SEC22C: variants seen among roughly 807,000 people sequenced by gnomAD.
The protein encoded by SEC22C is SEC22 homolog C, vesicle trafficking protein, also known as vesicle-trafficking protein SEC22c.
Under a neutral mutation model 34.7 loss-of-function variants are expected in SEC22C, and 29 were observed. The ratio of observed to expected loss-of-function variants is 0.84; its 90% confidence interval spans 0.62 to 1.14. The LOEUF is 1.14. SEC22C is among the 50% of genes most tolerant of loss of function. The pLI, the probability that SEC22C is intolerant of heterozygous loss-of-function variation, is 0.00. For missense variants in SEC22C, 337 were observed against 369.0 expected, an observed-to-expected ratio of 0.91 and a Z score of 0.71; for synonymous variants, 117 against 132.8, an observed-to-expected ratio of 0.88 and a Z score of 0.82.
upstream of SEC22C, among the ~76,000 whole-genome samples, chr3:42,584,776 A>T (rs928136320): frequency 1.3e-5 from 2 of 152,202 alleles, no homozygotes; most frequent in Non-Finnish European, 1.5e-5. Context: ...AAAGAAGGAG[A>T]AAAACCAGGA....
chr3:42,551,253 C>G lies in SEC22C; in HGVS notation c.*1995G>C. On this transcript the variant is annotated 3_prime_UTR_variant, in exon 7 of 7. Coordinates refer to ENST00000264454, the MANE Select transcript of SEC22C (RefSeq NM_032970.4). ...TCTCCCAGAAAAACTGAAAATTCACCTGCTGGGTATGCAGAAAATTATGCA... is the reference window on the plus strand; with the variant it reads ...TCTCCCAGAAAAACTGAAAATTCACGTGCTGGGTATGCAGAAAATTATGCA... The G allele has an allele frequency of 1.0e-6, 1 of 985,376 alleles. No individual in the cohort carries two copies. 61.0% of individuals were successfully genotyped at this position (985,376 alleles called of 1,614,324 possible).
At position 42,550,857 on chromosome 3, in the gene SEC22C, G is replaced by A. The variant is rs1702218360; in HGVS notation, c.*2391C>T. On this transcript the variant is annotated 3_prime_UTR_variant, in exon 7 of 7. Coordinates refer to ENST00000264454, the MANE Select transcript of SEC22C (RefSeq NM_032970.4). ...AAAGAAAACAGTCCATTTTTAAGCC[G>A]TTCTTACCGACTTTTTTTTTTTTTT... is the stretch of plus-strand genomic sequence containing the variant. 15 of 975,234 alleles carry A rather than the reference G, an allele frequency of 1.5e-5. No homozygotes were observed. The highest frequency in any genetic ancestry group is 5.3e-4 in the Middle Eastern group (1 of 1,886). The allele number at this position is 975,234 out of a possible 1,614,324, so 60.4% of individuals were successfully genotyped here. A position where few individuals can be genotyped will look rare whatever the true frequency, so the allele number is the denominator to read the frequency against.
chr3:42,563,426 G>C, intron 3 of SEC22C, 97 bp downstream of exon 3: 1 of 977,074 alleles, frequency 1.0e-6, no homozygotes, highest in Non-Finnish European at 1.5e-6. Context: ...TGCATCTCCA[G>C]TGGTTTTCCT....
intron 1 of SEC22C, among the ~76,000 whole-genome samples, chr3:42,596,128 T>G (rs1643193079): frequency 6.6e-6 from 1 of 152,118 alleles, no homozygotes; most frequent in Non-Finnish European, 1.5e-5. Context: ...TTCAAGTGAT[T>G]CTCCTGCCTC....
At chr3:42,561,361 A>G (rs938595203) in intron 3 of SEC22C, 65 bp from the exon 4 acceptor site, 1 of 1,515,340 alleles carries the variant, frequency 6.6e-7, no homozygotes, top group Non-Finnish European at 9.1e-7. Context: ...GACAATACGT[A>G]CAAAATGAAG....
At chr3:42,572,548 C>T (rs1703708873) in intron 1 of SEC22C, among the ~76,000 whole-genome samples, 1 of 152,176 alleles carries the variant, frequency 6.6e-6, no homozygotes, top group Non-Finnish European at 1.5e-5. Context: ...CTATCTCTCC[C>T]AGGCAATGAT....
intron 1 of SEC22C, among the ~76,000 whole-genome samples, chr3:42,598,047 C>G (rs1418921140): frequency 6.6e-6 from 1 of 152,128 alleles, no homozygotes; most frequent in Non-Finnish European, 1.5e-5. Flanking sequence ...ATGGAATTAG[C>G]TTATGATCCA....
intron 1 of SEC22C, among the ~76,000 whole-genome samples, chr3:42,570,093 A>G (rs1174629900): frequency 2.0e-5 from 3 of 152,198 alleles, no homozygotes; most frequent in Non-Finnish European, 2.9e-5. Context: ...TGATAGGATG[A>G]TAACAGGATA....
At chr3:42,554,932 A>C (rs1395629680) in intron 6 of SEC22C, among the ~76,000 whole-genome samples, 3 of 152,188 alleles carry the variant, frequency 2.0e-5, no homozygotes, top group African/African-American at 4.8e-5. Context: ...TGTTTGCTTC[A>C]GTTCCTAAAG....
intron 1 of SEC22C, among the ~76,000 whole-genome samples, chr3:42,571,218 T>TA (rs1221376842): frequency 6.6e-6 from 1 of 152,210 alleles, no homozygotes; most frequent in African/African-American, 2.4e-5. Context: ...TACCACTCTC[T>TA]AAAGGACCCA....
intron 1 of SEC22C, among the ~76,000 whole-genome samples, chr3:42,576,578 A>G (rs1326436850): frequency 6.6e-6 from 1 of 152,162 alleles, no homozygotes; most frequent in African/African-American, 2.4e-5. Context: ...CTAACAAAAC[A>G]TATACAGAAC....
At chr3:42,567,651 A>C (rs1202192774) in intron 2 of SEC22C, among the ~76,000 whole-genome samples, 1 of 152,212 alleles carries the variant, frequency 6.6e-6, no homozygotes, top group Non-Finnish European at 1.5e-5. Context: ...TTCCAATGGA[A>C]CATTTTCCCC....
At position 42,549,764 on chromosome 3, in the gene SEC22C, T is replaced by C. The variant is rs574084643; in HGVS notation, c.*3484A>G. 6 of 985,350 alleles carry C rather than the reference T, an allele frequency of 6.1e-6. No individual in the cohort carries two copies. The highest frequency in any genetic ancestry group is 5.2e-5 in the African/African-American group (3 of 57,290). 61.0% of individuals were successfully genotyped at this position (985,350 alleles called of 1,614,324 possible). On this transcript the variant is annotated 3_prime_UTR_variant, in exon 7 of 7. Coordinates refer to ENST00000264454, the MANE Select transcript of SEC22C (RefSeq NM_032970.4). ...GCAGAGGTAGAAAGAGGCAGGAGAG[T>C]TGGAGAACAAGAGCACCTAGAAAAG...
At chr3:42,590,043 A>C (rs1704763915) in intron 1 of SEC22C, among the ~76,000 whole-genome samples, 1 of 152,248 alleles carries the variant, frequency 6.6e-6, no homozygotes, top group Admixed American at 6.5e-5. Context: ...CAAGTTACTT[A>C]ACCTGTTTCG....
chr3:42,584,740 T>C (rs1704555475), upstream of SEC22C, among the ~76,000 whole-genome samples: 1 of 152,208 alleles, frequency 6.6e-6, no homozygotes. Flanking sequence ...GAGTCTCTGA[T>C]AATGAGGGTA....
intron 1 of SEC22C, among the ~76,000 whole-genome samples, chr3:42,570,562 T>C (rs1703554714): frequency 1.3e-5 from 2 of 152,134 alleles, no homozygotes; most frequent in Admixed American, 1.3e-4. Context: ...ATTTGACCCA[T>C]TTCTCCACAC....
chr3:42,599,754 A>G (rs2125746048), intron 1 of SEC22C, among the ~76,000 whole-genome samples: 1 of 152,358 alleles, frequency 6.6e-6, no homozygotes, highest in Middle Eastern at 3.4e-3. Context: ...CCCAATAGGA[A>G]AATGTTGACA....
Position 42,548,609 on chromosome 3 carries a change from G to A in SEC22C, c.*4639C>T, listed in dbSNP as rs1480789618. ...AGCTCTCCTCATTTGGGTCAGGGGT[G>A]GCTGGCTCACGAGGTTTGGTCCAAC... On this transcript the variant is annotated 3_prime_UTR_variant, in exon 7 of 7. Transcript: ENST00000264454. The A allele has an allele frequency of 6.2e-7, 1 of 1,613,518 alleles. No homozygotes were observed. The highest frequency in any genetic ancestry group is 1.7e-5 in the Admixed American group (1 of 59,996).
Position 42,569,258 on chromosome 3 carries a change from C to T in SEC22C, c.-27-185G>A, listed in dbSNP as rs73073306. On this transcript the variant is annotated intron_variant, in intron 1 of 6. Coordinates refer to ENST00000264454, the MANE Select transcript of SEC22C (RefSeq NM_032970.4). ...CTCCCAACTTTCCTCCCTTCATTAT[C>T]CTCCCTGCCTTTTCTGCAGTTGTAA... 4.5e-3 allele frequency among the ~76,000 whole-genome samples: 690 copies of T among 152,320 alleles called. 2 individuals are homozygous for T. Among genetic ancestry groups the T allele is most frequent in the Middle Eastern group, 0.01 (3 of 294 alleles).
Sources: gnomAD v4.1 joint callset for allele counts (sites outside exome capture counted in the v4.1 genomes callset) on GRCh38, gnomAD v4.1.1 for gene constraint, MANE v1.5 for transcripts, NCBI Gene and HGNC (gene_info 2026-07-23, HGNC 2026-07-21) for gene names.